SEMA4G: variants seen among roughly 807,000 people sequenced by gnomAD.
SEMA4G encodes semaphorin-4G.
In SEMA4G, 59 loss-of-function variants were observed where a neutral mutation model predicts 81.2. That is an observed-to-expected ratio of 0.73 (90% CI 0.59 to 0.90). The LOEUF (loss-of-function observed/expected upper bound fraction) is 0.90. Ranked by LOEUF, SEMA4G falls within the 40% of genes least tolerant of loss-of-function variation. The probability of loss-of-function intolerance (pLI) is 0.00; values close to 1 mark genes in which losing one functional copy is unlikely to be tolerated. For missense variants in SEMA4G, 952 were observed against 1,102.3 expected, an observed-to-expected ratio of 0.86 and a Z score of 1.93; for synonymous variants, 404 against 433.9, an observed-to-expected ratio of 0.93 and a Z score of 0.86.
At chr10:100,974,853 T>C in intron 3 of SEMA4G, 1 of 395,146 alleles carries the variant, frequency 2.5e-6, no homozygotes, top group Non-Finnish European at 4.8e-6. Flanking sequence ...GGGTCACACT[T>C]GTAATCTCAA....
chr10:100,983,642 C>G, exon 14 of SEMA4G: 1 of 1,613,836 alleles, frequency 6.2e-7, no homozygotes, highest in Non-Finnish European at 8.5e-7. Context: ...TGAGACTGCT[C>G]TATGTGCTAG....
At position 100,977,616 on chromosome 10, in the gene SEMA4G, CCA is replaced by C; in HGVS notation, c.337-14_337-13del. ...TCAGGCAGGGGGCTCACAGCCCTCT[CCA>C]CCTCATCCCACAGACGGAGTGCTTT... is the stretch of plus-strand genomic sequence containing the variant. On this transcript the variant is annotated splice_polypyrimidine_tract_variant and intron_variant, in intron 3 of 13. Transcript: ENST00000370250. The C allele has an allele frequency of 1.9e-6, 3 of 1,609,964 alleles. No individual in the cohort carries two copies. Among genetic ancestry groups the C allele is most frequent in the Non-Finnish European group, 2.6e-6 (3 of 1,176,234 alleles).
At chr10:100,983,979 C>T (rs574711696) in exon 14 of SEMA4G, 10 of 1,610,752 alleles carry the variant, frequency 6.2e-6, no homozygotes, top group East Asian at 4.5e-5. Flanking sequence ...CAGCCGGCTG[C>T]GGAGGATGAA....
chr10:100,978,491 G>C, intron 5 of SEMA4G, 36 bp from the exon 7 acceptor site: 1 of 1,604,770 alleles, frequency 6.2e-7, no homozygotes, highest in Non-Finnish European at 8.5e-7. Flanking sequence ...TGTTGAATAT[G>C]ACATGTCTCT....
exon 13 of SEMA4G, chr10:100,981,175 C>A: frequency 6.2e-7 from 1 of 1,614,228 alleles, no homozygotes; most frequent in Non-Finnish European, 8.5e-7. Flanking sequence ...CAGGACAGCA[C>A]TGATACAGGA....
chr10:100,972,988 C>G (rs1195652118), exon 1 of SEMA4G: 1 of 1,613,974 alleles, frequency 6.2e-7, no homozygotes, highest in Non-Finnish European at 8.5e-7. Context: ...ACTGCGGAGA[C>G]CGTCTAGAGA....
intron 13 of SEMA4G, among the ~76,000 whole-genome samples, chr10:100,982,145 C>G (rs189914956): frequency 4.2e-4 from 63 of 151,454 alleles, no homozygotes; most frequent in African/African-American, 1.5e-3. Flanking sequence ...GGTCACTATA[C>G]TATGCTATCT....
At chr10:100,974,395 T>C (rs1369462581) in intron 3 of SEMA4G, among the ~76,000 whole-genome samples, 2 of 151,880 alleles carry the variant, frequency 1.3e-5, no homozygotes, top group Non-Finnish European at 2.9e-5. Context: ...GCCTGGGAGG[T>C]TGAGGCTGCG....
At chr10:100,981,066 G>A (rs1851046861) in intron 12 of SEMA4G, 69 bp downstream of exon 13, 7 of 1,598,980 alleles carry the variant, frequency 4.4e-6, no homozygotes, top group Non-Finnish European at 6.0e-6. Flanking sequence ...TAGCTACTGG[G>A]GGAGTGCAGG....
Position 100,980,005 on chromosome 10 carries a change from G to C in SEMA4G, c.1128+13G>C. On this transcript the variant is annotated intron_variant, in intron 9 of 13. Transcript: ENST00000370250. ...CCGGCCTGGCTCGGTGAGTGCCCAGGCCTGGGGCCAGTGCTGAGTAGACAG... is the reference window on the plus strand; with the variant it reads ...CCGGCCTGGCTCGGTGAGTGCCCAGCCCTGGGGCCAGTGCTGAGTAGACAG... 6.2e-7 allele frequency: 1 copy of C among 1,613,976 alleles called. No homozygotes were observed. Among genetic ancestry groups the C allele is most frequent in the Non-Finnish European group, 8.5e-7 (1 of 1,179,992 alleles).
chr10:100,977,813 G>A (rs1850866656), intron 4 of SEMA4G, 83 bp downstream of exon 5: 1 of 1,215,846 alleles, frequency 8.2e-7, no homozygotes, highest in East Asian at 2.3e-5. Flanking sequence ...AAGAGACTCA[G>A]AGCCAGTGAA....
In SEMA4G at chr10:100,978,648, G is replaced by T. The variant is rs778462077; in HGVS notation, c.643+8G>T. On this transcript the variant is annotated splice_region_variant and intron_variant, in intron 6 of 13. Coordinates refer to ENST00000370250, the Ensembl canonical transcript of SEMA4G. Reference sequence around the variant, plus strand: ...CAATGCATTGGCTCAATGGTTAGGAGGATGAGGCACAGGATGATGGGGGGT... The same window carrying T: ...CAATGCATTGGCTCAATGGTTAGGATGATGAGGCACAGGATGATGGGGGGT... 2.5e-6 allele frequency: 4 copies of T among 1,611,028 alleles called. No individual in the cohort carries two copies. The South Asian group carries it at 4.4e-5, about 18-fold the overall frequency.
intron 8 of SEMA4G, 102 bp downstream of exon 9, chr10:100,979,373 C>T: frequency 1.9e-6 from 3 of 1,589,544 alleles, no homozygotes; most frequent in Non-Finnish European, 2.6e-6. Flanking sequence ...GGAGGTCTGG[C>T]TGCAAAGTGA....
At chr10:100,984,695 T>G in exon 14 of SEMA4G, 1 of 1,536,254 alleles carries the variant, frequency 6.5e-7, no homozygotes, top group Non-Finnish European at 8.7e-7. Flanking sequence ...TCATCCCTGC[T>G]TCTGGACTTG....
intron 3 of SEMA4G, 90 bp from the exon 5 acceptor site, chr10:100,977,542 G>C (rs1485952411): frequency 9.4e-6 from 9 of 954,798 alleles, no homozygotes; most frequent in South Asian, 1.3e-5. Flanking sequence ...TCCTGTGGGT[G>C]GGGGCAAGAG....
chr10:100,969,652 G>A (rs942863808), upstream of SEMA4G: 3 of 327,878 alleles, frequency 9.1e-6, no homozygotes, highest in Non-Finnish European at 1.9e-5. Flanking sequence ...CGGGCCGGGG[G>A]TCGGGCAAGG....
chr10:100,976,345 G>A (rs1054734786), intron 3 of SEMA4G, among the ~76,000 whole-genome samples: 6 of 152,102 alleles, frequency 3.9e-5, no homozygotes, highest in African/African-American at 1.4e-4. Context: ...CTGATGAGCC[G>A]ATACAGTGGT....
At chr10:100,982,740 T>C (rs533663163) in intron 13 of SEMA4G, among the ~76,000 whole-genome samples, 1 of 152,118 alleles carries the variant, frequency 6.6e-6, no homozygotes, top group East Asian at 1.9e-4. Flanking sequence ...TGCAGTGAGC[T>C]GAGATCACGT....
At chr10:100,979,360 T>C (rs201698096) in intron 8 of SEMA4G, 89 bp downstream of exon 9, 1 of 1,592,184 alleles carries the variant, frequency 6.3e-7, no homozygotes, top group Non-Finnish European at 8.5e-7. Flanking sequence ...GGATCCACTG[T>C]GGGGAGGTCT....
Sources: gnomAD v4.1 joint callset for allele counts (sites outside exome capture counted in the v4.1 genomes callset) on GRCh38, gnomAD v4.1.1 for gene constraint, MANE v1.5 for transcripts, NCBI Gene and HGNC (gene_info 2026-07-23, HGNC 2026-07-21) for gene names.